The following SPATA17 variants were observed in gnomAD, a reference collection of about 807,000 sequenced individuals.
The protein encoded by SPATA17 is spermatogenesis-associated protein 17.
In SPATA17, 53 loss-of-function variants were observed where a neutral mutation model predicts 62.2. The observed-to-expected ratio is 0.85, with a 90% CI of 0.68 to 1.07. The LOEUF (loss-of-function observed/expected upper bound fraction) is 1.07. Among genes scored for constraint, SPATA17 ranks in the 50% least tolerant of loss-of-function variants. SPATA17 has a pLI of 0.00. For synonymous variants in SPATA17, 146 were observed against 146.8 expected (o/e 0.99, Z 0.04); for missense variants, 466 against 425.5 (o/e 1.10, Z -0.84).
At chr1:217,775,208 C>A (rs1298743232) in intron 7 of SPATA17, among the ~76,000 whole-genome samples, 1 of 152,110 alleles carries the variant, frequency 6.6e-6, no homozygotes, top group African/African-American at 2.4e-5. Context: ...TTTTTATGTG[C>A]CTATTGGCCA....
rs1020796013 is a variant in SPATA17 at position 217,867,026 on chromosome 1, CAGA to C, written c.*15_*17del. 1.3e-5 allele frequency: 2 copies of C among 151,934 alleles called. No individual in the cohort carries two copies. The highest frequency in any genetic ancestry group is 2.9e-5 in the Non-Finnish European group (2 of 67,982). 9.4% of individuals were successfully genotyped at this position (151,934 alleles called of 1,614,324 possible). On this transcript the variant is annotated 3_prime_UTR_variant, in exon 11 of 11. Transcript: ENST00000366933. ...CTCTAGTTTTCTCTCTCTTAGGCGT[CAGA>C]AGAAGAAACTGAAGCCATCTGCATT...
At chr1:217,696,056 G>T (rs992699825) in intron 5 of SPATA17, among the ~76,000 whole-genome samples, 3 of 152,176 alleles carry the variant, frequency 2.0e-5, no homozygotes, top group South Asian at 2.1e-4. Context: ...GTTTACCTAA[G>T]CAAGCCTGGG....
At position 217,642,239 on chromosome 1, in the gene SPATA17, T is replaced by A. The variant is rs867791563; in HGVS notation, c.69-6643T>A. ...GGAATATTCTTTTTTCCTTTGTAAT[T>A]TATAATTATTTTTAAAAAGCAGATC... On this transcript the variant is annotated intron_variant, in intron 1 of 10. Coordinates refer to ENST00000366933, the MANE Select transcript of SPATA17 (RefSeq NM_138796.4). Among the ~76,000 whole-genome samples, 11 of 152,166 alleles carry A rather than the reference T, an allele frequency of 7.2e-5. No individual in the cohort carries two copies. The South Asian group carries it at 1.0e-3, about 14-fold the overall frequency.
chr1:217,774,223 T>C (rs1673530322), intron 6 of SPATA17, 111 bp from the exon 7 acceptor site: 2 of 848,316 alleles, frequency 2.4e-6, no homozygotes, highest in African/African-American at 1.7e-5. Flanking sequence ...AGAACCACAG[T>C]TGTAGTTTAA....
intron 6 of SPATA17, among the ~76,000 whole-genome samples, chr1:217,761,895 A>G (rs1218986150): frequency 6.6e-6 from 1 of 152,218 alleles, no homozygotes; most frequent in African/African-American, 2.4e-5. Context: ...ATTGAATTAC[A>G]GTATAATATC....
intron 5 of SPATA17, among the ~76,000 whole-genome samples, chr1:217,717,121 C>T (rs184696675): frequency 1.4e-3 from 215 of 152,256 alleles, no homozygotes; most frequent in Non-Finnish European, 2.4e-3. Context: ...ACATTAAGAC[C>T]CATCCTAACC....
At chr1:217,701,684 G>A (rs1397003433) in intron 5 of SPATA17, among the ~76,000 whole-genome samples, 2 of 152,084 alleles carry the variant, frequency 1.3e-5, no homozygotes, top group African/African-American at 4.8e-5. Context: ...ATCACACCTG[G>A]CCTATACTAT....
At chr1:217,673,630 T>C (rs1010886030) in intron 4 of SPATA17, among the ~76,000 whole-genome samples, 27 of 152,308 alleles carry the variant, frequency 1.8e-4, no homozygotes, top group African/African-American at 6.0e-4. Flanking sequence ...TTTCTCTCCC[T>C]CTGCCATCTA....
chr1:217,834,809 C>T (rs546059342), intron 9 of SPATA17, among the ~76,000 whole-genome samples: 6 of 152,122 alleles, frequency 3.9e-5, no homozygotes, highest in Admixed American at 3.3e-4. Flanking sequence ...TCTACGTTAA[C>T]GTCCTAGGCC....
intron 3 of SPATA17, 61 bp downstream of exon 3, chr1:217,651,239 C>A (rs1670307225): frequency 1.6e-6 from 2 of 1,269,788 alleles, no homozygotes; most frequent in African/African-American, 1.5e-5. Context: ...AACTTACTCA[C>A]TTTAGTCATA....
chr1:217,650,991 T>C (rs1261694378), intron 2 of SPATA17, 106 bp from the exon 3 acceptor site: 10 of 792,438 alleles, frequency 1.3e-5, no homozygotes, highest in Admixed American at 2.8e-5. Context: ...CACATAAACT[T>C]GGCTTTGAAT....
At chr1:217,811,544 T>A (rs2102992245) in intron 9 of SPATA17, among the ~76,000 whole-genome samples, 1 of 152,174 alleles carries the variant, frequency 6.6e-6, no homozygotes, top group East Asian at 1.9e-4. Context: ...CTTACAAAAA[T>A]TAGCTGGGCA....
intron 5 of SPATA17, among the ~76,000 whole-genome samples, chr1:217,690,849 A>G: frequency 7.0e-6 from 1 of 142,880 alleles, no homozygotes; most frequent in African/African-American, 2.7e-5. Flanking sequence ...ATAGTATTCC[A>G]TGGTGTATAT....
intron 10 of SPATA17, among the ~76,000 whole-genome samples, chr1:217,865,887 T>C (rs1676001027): frequency 6.6e-6 from 1 of 152,188 alleles, no homozygotes; most frequent in African/African-American, 2.4e-5. Context: ...CCCGATAAGA[T>C]GAGTTTTAAT....
chr1:217,654,455 T>A (rs908656792), intron 3 of SPATA17, among the ~76,000 whole-genome samples: 2 of 152,160 alleles, frequency 1.3e-5, no homozygotes, highest in South Asian at 2.1e-4. Flanking sequence ...TATTGTGCTA[T>A]CATTTACATT....
chr1:217,793,855 C>T (rs1193499213), intron 8 of SPATA17, among the ~76,000 whole-genome samples: 1 of 151,982 alleles, frequency 6.6e-6, no homozygotes, highest in East Asian at 2.0e-4. Flanking sequence ...GTGGCTCACG[C>T]CTGTAATCTC....
chr1:217,743,064 G>A (rs538335183), intron 6 of SPATA17, among the ~76,000 whole-genome samples: 37 of 151,582 alleles, frequency 2.4e-4, no homozygotes, highest in Middle Eastern at 6.8e-3. Flanking sequence ...TTTAATCATG[G>A]TGACTATCTT....
intron 1 of SPATA17, among the ~76,000 whole-genome samples, chr1:217,642,494 G>T (rs1458567084): frequency 2.0e-5 from 3 of 151,910 alleles, no homozygotes; most frequent in Non-Finnish European, 4.4e-5. Flanking sequence ...GCTTTTTCTT[G>T]ACACACAAAA....
At chr1:217,862,912 A>G in intron 10 of SPATA17, 56 bp downstream of exon 10, 1 of 1,156,568 alleles carries the variant, frequency 8.6e-7, no homozygotes, top group Non-Finnish European at 1.2e-6. Flanking sequence ...CACTTAAAAA[A>G]TCAAATGGGG....
Sources: allele counts gnomAD v4.1 joint callset (sites outside exome capture counted in the v4.1 genomes callset), GRCh38; gene constraint gnomAD v4.1.1; transcripts MANE v1.5; gene names NCBI Gene and HGNC (gene_info 2026-07-23, HGNC 2026-07-21).